RUNX1T1: variants seen among roughly 807,000 people sequenced by gnomAD.
RUNX1T1 encodes the protein RUNX1 partner transcriptional co-repressor 1.
Under a neutral mutation model 62.8 loss-of-function variants are expected in RUNX1T1, and 4 were observed. That is an observed-to-expected ratio of 0.06 (90% confidence interval 0.03 to 0.15). The LOEUF (loss-of-function observed/expected upper bound fraction) is 0.15, where lower values mean the gene tolerates loss of function less well. Ranked by LOEUF, RUNX1T1 falls within the 10% of genes least tolerant of loss-of-function variation. The pLI is 1.00. For missense variants in RUNX1T1, 508 were observed against 754.3 expected, an observed-to-expected ratio of 0.67 and a Z score of 3.82; for synonymous variants, 291 against 286.0, an observed-to-expected ratio of 1.02 and a Z score of -0.18.
chr8:92,032,311 G>C (rs1826415932), intron 1 of RUNX1T1, among the ~76,000 whole-genome samples: 1 of 151,854 alleles, frequency 6.6e-6, no homozygotes, highest in Non-Finnish European at 1.5e-5. Flanking sequence ...TAATTCCCAA[G>C]CAACTACTAG....
chr8:91,998,610 G>A (rs748834728), intron 5 of RUNX1T1, among the ~76,000 whole-genome samples: 1 of 152,172 alleles, frequency 6.6e-6, no homozygotes, highest in African/African-American at 2.4e-5. Flanking sequence ...CTCCAGCAGC[G>A]AGAAGGTGGA....
chr8:92,089,369 A>G (rs1378807579), intron 1 of RUNX1T1, among the ~76,000 whole-genome samples: 1 of 152,186 alleles, frequency 6.6e-6, no homozygotes, highest in African/African-American at 2.4e-5. Context: ...TTCAGACAAA[A>G]AGAGAATTGT....
chr8:92,007,574 C>T (rs1821027767), intron 4 of RUNX1T1, among the ~76,000 whole-genome samples: 1 of 151,990 alleles, frequency 6.6e-6, no homozygotes, highest in Non-Finnish European at 1.5e-5. Context: ...ACATCAAAAG[C>T]GGGTACTTAA....
In RUNX1T1 at chr8:92,060,552, T is replaced by TA. The variant is rs1477251485; in HGVS notation, c.7+1993dup. Among the ~76,000 whole-genome samples, 26 of 120,510 alleles carry TA rather than the reference T, an allele frequency of 2.2e-4. 2 individuals carry two copies. The South Asian group carries it at 4.0e-3, about 19-fold the overall frequency. 79.1% of individuals were successfully genotyped at this position (120,510 alleles called of 152,430 possible). On this transcript the variant is annotated intron_variant, in intron 1 of 10. Coordinates refer to ENST00000396218, the Ensembl canonical transcript of RUNX1T1. ...ATATATATATATATATATATATATATATGTGTGTGTGTGTGTGTGTGTGTG... is the reference window on the plus strand; with the variant it reads ...ATATATATATATATATATATATATATAATGTGTGTGTGTGTGTGTGTGTGTG...
At chr8:92,052,082 A>G (rs1035139348) in intron 1 of RUNX1T1, among the ~76,000 whole-genome samples, 1 of 152,230 alleles carries the variant, frequency 6.6e-6, no homozygotes, top group Non-Finnish European at 1.5e-5. Context: ...CTGAAGGCCT[A>G]CCAAGCACAA....
At chr8:91,960,731 T>C (rs1810256645) in intron 10 of RUNX1T1, among the ~76,000 whole-genome samples, 1 of 152,240 alleles carries the variant, frequency 6.6e-6, no homozygotes, top group Non-Finnish European at 1.5e-5. Flanking sequence ...CAACAACTAC[T>C]ATGGCATCTG....
In RUNX1T1 at chr8:92,002,003, T is replaced by G. The variant is rs1448770069; in HGVS notation, c.659+3113A>C. On this transcript the variant is annotated intron_variant, in intron 5 of 10. Coordinates refer to ENST00000396218, the Ensembl canonical transcript of RUNX1T1. ...GGGCTCTTAGCTTCTACTCTCTATC[T>G]GTAAGAGTGTTCATTTCGTTTACAT... 5.3e-5 allele frequency among the ~76,000 whole-genome samples: 8 copies of G among 152,194 alleles called. No homozygotes were observed. The East Asian group carries it at 7.7e-4, about 15-fold the overall frequency.
intron 1 of RUNX1T1, among the ~76,000 whole-genome samples, chr8:92,097,989 G>C (rs958190853): frequency 6.6e-6 from 1 of 152,198 alleles, no homozygotes; most frequent in African/African-American, 2.4e-5. Flanking sequence ...CCAGGCTAGA[G>C]ACTAGAAATC....
chr8:92,044,863 C>G (rs937098232), intron 1 of RUNX1T1, among the ~76,000 whole-genome samples: 2 of 152,102 alleles, frequency 1.3e-5, no homozygotes, highest in Non-Finnish European at 2.9e-5. Context: ...CACCTGGAAA[C>G]CATGTTGATT....
At chr8:92,041,128 G>C (rs906147937) in intron 1 of RUNX1T1, among the ~76,000 whole-genome samples, 1 of 152,142 alleles carries the variant, frequency 6.6e-6, no homozygotes, top group African/African-American at 2.4e-5. Flanking sequence ...CAATGCAATA[G>C]ATCTTATTCA....
chr8:92,099,618 T>A, exon 1 of RUNX1T1: 1 of 985,498 alleles, frequency 1.0e-6, no homozygotes, highest in East Asian at 1.1e-4. Context: ...ACTCCGTTTT[T>A]TTCACATGCA....
At chr8:91,993,647 C>T (rs1406080677) in intron 5 of RUNX1T1, among the ~76,000 whole-genome samples, 1 of 152,092 alleles carries the variant, frequency 6.6e-6, no homozygotes, top group Non-Finnish European at 1.5e-5. Context: ...CCCAGCTCCT[C>T]AATAACAGAA....
intron 1 of RUNX1T1, among the ~76,000 whole-genome samples, chr8:92,053,092 A>C (rs1246377380): frequency 6.6e-6 from 1 of 152,160 alleles, no homozygotes; most frequent in Admixed American, 6.6e-5. Context: ...AAAATGATAA[A>C]AGGGCAGAAA....
At chr8:91,982,407 T>C (rs1230061267) in intron 8 of RUNX1T1, among the ~76,000 whole-genome samples, 3 of 152,092 alleles carry the variant, frequency 2.0e-5, no homozygotes, top group Admixed American at 2.0e-4. Flanking sequence ...GAAAGTGATG[T>C]GACAACATTC....
intron 8 of RUNX1T1, among the ~76,000 whole-genome samples, chr8:91,985,540 C>T (rs968093661): frequency 3.3e-5 from 5 of 152,094 alleles, no homozygotes; most frequent in Non-Finnish European, 5.9e-5. Context: ...AGGAAGGGTG[C>T]TACATCTTTA....
chr8:92,029,081 A>T (rs918853781), intron 1 of RUNX1T1, among the ~76,000 whole-genome samples: 3 of 152,338 alleles, frequency 2.0e-5, no homozygotes, highest in East Asian at 3.9e-4. Context: ...GCAAATCAAG[A>T]GAGACAATCA....
At chr8:92,075,774 C>G (rs1319435487) in intron 2 of RUNX1T1, among the ~76,000 whole-genome samples, 191 bp downstream of exon 2, 1 of 152,074 alleles carries the variant, frequency 6.6e-6, no homozygotes, top group Non-Finnish European at 1.5e-5. Context: ...GTTCCCACCA[C>G]CAGATTGATC....
intron 4 of RUNX1T1, chr8:92,005,532 T>A (rs1820589841): frequency 2.1e-6 from 1 of 484,294 alleles, no homozygotes. Flanking sequence ...CTCTTTTATT[T>A]CTTCACTGAT....
At chr8:91,966,219 A>T (rs1262390204) in intron 10 of RUNX1T1, among the ~76,000 whole-genome samples, 2 of 151,140 alleles carry the variant, frequency 1.3e-5, no homozygotes, top group Non-Finnish European at 2.9e-5. Flanking sequence ...AGAGCTCCAA[A>T]TTTTTCTGGG....
Sources: gnomAD v4.1 joint callset for allele counts (sites outside exome capture counted in the v4.1 genomes callset) on GRCh38, gnomAD v4.1.1 for gene constraint, MANE v1.5 for transcripts, NCBI Gene and HGNC (gene_info 2026-07-23, HGNC 2026-07-21) for gene names.